The following RAB8B variants were observed in gnomAD, a reference collection of about 807,000 sequenced individuals.
RAB8B encodes the protein ras-related protein Rab-8B.
In RAB8B, 11 loss-of-function variants were observed where a neutral mutation model predicts 32.0. That is an observed-to-expected ratio of 0.34 (90% confidence interval 0.22 to 0.57). The LOEUF is 0.57. Ranked by LOEUF, RAB8B falls within the 20% of genes least tolerant of loss-of-function variation. RAB8B has a pLI of 0.86. For synonymous variants in RAB8B, 103 were observed against 89.6 expected, an observed-to-expected ratio of 1.15 and a Z score of -0.85; for missense variants, 190 against 258.5, an observed-to-expected ratio of 0.73 and a Z score of 1.82.
chr15:63,249,756 A>C (rs762546552), intron 3 of RAB8B, 51 bp downstream of exon 3: 1 of 1,545,678 alleles, frequency 6.5e-7, no homozygotes, highest in South Asian at 1.1e-5. Flanking sequence ...TAAAGCATGA[A>C]TGTTTGTTTG....
At position 63,253,105 on chromosome 15, in the gene RAB8B, G is replaced by A. The variant is rs182641321; in HGVS notation, c.247-2402G>A. Among the ~76,000 whole-genome samples, 884 of 152,286 alleles carry A rather than the reference G, an allele frequency of 5.8e-3. 10 individuals are homozygous for A. Among genetic ancestry groups the A allele is most frequent in the Middle Eastern group, 0.017 (5 of 294 alleles). On this transcript the variant is annotated intron_variant, in intron 3 of 7. Coordinates refer to ENST00000321437, the MANE Select transcript of RAB8B (RefSeq NM_016530.3). ...AACAATTGTAAATTGCCTTTACAGC[G>A]TGTAGCCAAAGTGAAGCATTTGTAT...
At chr15:63,203,963 G>A (rs138123007) in intron 1 of RAB8B, among the ~76,000 whole-genome samples, 45 of 152,190 alleles carry the variant, frequency 3.0e-4, no homozygotes, top group African/African-American at 9.6e-4. Flanking sequence ...TTTAACCTGC[G>A]TGGTCCCTTA....
At position 63,267,729 on chromosome 15, in the gene RAB8B, T is replaced by TA. The variant is rs1364633308; in HGVS notation, c.*4110_*4111insA. On this transcript the variant is annotated 3_prime_UTR_variant, in exon 8 of 8. Transcript: ENST00000321437. ...ATTTTATTCCAGGTGAACTTTTTTT[T>TA]TATAATAATGTTCGTCTAAAATAAA... 23 of 152,192 alleles carry TA rather than the reference T, an allele frequency of 1.5e-4. No homozygotes were observed. Among genetic ancestry groups the TA allele is most frequent in the African/African-American group, 5.6e-4 (23 of 41,422 alleles). 9.4% of individuals were successfully genotyped at this position (152,192 alleles called of 1,614,324 possible). A position where few individuals can be genotyped will look rare whatever the true frequency, so the allele number is the denominator to read the frequency against.
chr15:63,197,604 G>A (rs189409073), intron 1 of RAB8B, among the ~76,000 whole-genome samples: 3 of 151,998 alleles, frequency 2.0e-5, no homozygotes, highest in Admixed American at 2.0e-4. Flanking sequence ...AAACTCCTGA[G>A]CTCAAGTAAT....
In RAB8B at chr15:63,198,468, T is replaced by C. The variant is rs965970768; in HGVS notation, c.124+8720T>C. Among the ~76,000 whole-genome samples the C allele has an allele frequency of 1.3e-4, 19 of 151,286 alleles. No homozygotes were observed. The South Asian group carries it at 1.7e-3, about 13-fold the overall frequency. ...ACCACTGAGAAAGCCTGGATAATGG[T>C]GGTACTTGTGGTCTCATGACAGCAT... On this transcript the variant is annotated intron_variant, in intron 1 of 7. Coordinates refer to ENST00000321437, the MANE Select transcript of RAB8B (RefSeq NM_016530.3).
At chr15:63,212,935 A>G (rs2037760176) in intron 1 of RAB8B, among the ~76,000 whole-genome samples, 1 of 152,232 alleles carries the variant, frequency 6.6e-6, no homozygotes, top group African/African-American at 2.4e-5. Context: ...AATAGAATTA[A>G]AAGCACATGC....
chr15:63,208,373 TCTTTA>T (rs1169448646), intron 1 of RAB8B, among the ~76,000 whole-genome samples: 2 of 152,174 alleles, frequency 1.3e-5, no homozygotes, highest in South Asian at 2.1e-4. Context: ...TTAAAATGCC[TCTTTA>T]CTTATAAAAT....
chr15:63,190,271 A>G (rs1451197003), intron 1 of RAB8B, among the ~76,000 whole-genome samples: 3 of 152,084 alleles, frequency 2.0e-5, no homozygotes, highest in African/African-American at 7.2e-5. Flanking sequence ...ATTCAGGGGA[A>G]TGAGCGGTCA....
chr15:63,216,720 C>T (rs1467248317), intron 1 of RAB8B, among the ~76,000 whole-genome samples: 1 of 151,848 alleles, frequency 6.6e-6, no homozygotes, highest in Non-Finnish European at 1.5e-5. Flanking sequence ...ATTAGTCGGG[C>T]ATGGTGGTGT....
intron 1 of RAB8B, among the ~76,000 whole-genome samples, chr15:63,231,147 TATTATCTGATACATTA>T (rs2037933406): frequency 6.6e-6 from 1 of 152,252 alleles, no homozygotes; most frequent in Admixed American, 6.5e-5. Flanking sequence ...TAACCCTGGT[TATTATCTGATACATTA>T]CATGGATAGC....
intron 1 of RAB8B, among the ~76,000 whole-genome samples, chr15:63,219,333 G>A (rs900115734): frequency 9.9e-5 from 15 of 151,192 alleles, no homozygotes; most frequent in African/African-American, 3.2e-4. Flanking sequence ...GAAAGAGATC[G>A]AGAGAGAGAA....
intron 1 of RAB8B, among the ~76,000 whole-genome samples, chr15:63,209,418 C>T (rs2141114930): frequency 6.6e-6 from 1 of 151,878 alleles, no homozygotes; most frequent in African/African-American, 2.4e-5. Flanking sequence ...TGGTGAAACC[C>T]TGTCTCTACT....
intron 1 of RAB8B, among the ~76,000 whole-genome samples, chr15:63,230,476 A>G (rs1186360661): frequency 6.6e-6 from 1 of 151,840 alleles, no homozygotes; most frequent in East Asian, 1.9e-4. Flanking sequence ...TAATTTTTGT[A>G]TTTTTAGTAG....
chr15:63,245,255 C>T (rs1452052190), intron 2 of RAB8B, among the ~76,000 whole-genome samples: 1 of 152,226 alleles, frequency 6.6e-6, no homozygotes, highest in Non-Finnish European at 1.5e-5. Context: ...CTCAGGGTCT[C>T]ACCTTTTCCT....
chr15:63,214,197 A>G (rs2037771757), intron 1 of RAB8B, among the ~76,000 whole-genome samples: 1 of 152,042 alleles, frequency 6.6e-6, no homozygotes, highest in Non-Finnish European at 1.5e-5. Context: ...TGGGAGGTAA[A>G]GGATCTAATG....
Position 63,262,216 on chromosome 15 carries a change from G to A in RAB8B, c.481-476G>A, listed in dbSNP as rs1000102746. ...TGCCCTGCTCTAGGGAAGTGGGGTA[G>A]CTTAGACAGAGCTTCTGTCCTGTTC... is the stretch of plus-strand genomic sequence containing the variant. On this transcript the variant is annotated intron_variant, in intron 6 of 7. Transcript: ENST00000321437. Among the ~76,000 whole-genome samples the A allele has an allele frequency of 3.9e-5, 6 of 152,126 alleles. No individual in the cohort carries two copies. The East Asian group carries it at 1.2e-3, about 29-fold the overall frequency.
chr15:63,217,118 T>G lies in RAB8B; in HGVS notation c.124+27370T>G, dbSNP rs1337390695. Among the ~76,000 whole-genome samples, 6 of 152,186 alleles carry G rather than the reference T, an allele frequency of 3.9e-5. No individual in the cohort carries two copies. The East Asian group carries it at 1.2e-3, about 29-fold the overall frequency. On this transcript the variant is annotated intron_variant, in intron 1 of 7. Coordinates refer to ENST00000321437, the MANE Select transcript of RAB8B (RefSeq NM_016530.3). ...TTCATCTTTAGAAAGAATAATCAGA[T>G]ATCTCATTAGATAAATCATATATGA...
chr15:63,207,680 C>T (rs772226461), intron 1 of RAB8B, among the ~76,000 whole-genome samples: 2 of 152,060 alleles, frequency 1.3e-5, no homozygotes, highest in Non-Finnish European at 2.9e-5. Context: ...TTGCCTCAGC[C>T]TCTCGAGTAG....
At chr15:63,233,095 T>C (rs2037949576) in intron 1 of RAB8B, among the ~76,000 whole-genome samples, 1 of 145,034 alleles carries the variant, frequency 6.9e-6, no homozygotes, top group South Asian at 2.2e-4. Context: ...TCTCATGGCA[T>C]GCCAGGGCTG....
Sources: gnomAD v4.1 joint callset for allele counts (sites outside exome capture counted in the v4.1 genomes callset) on GRCh38, gnomAD v4.1.1 for gene constraint, MANE v1.5 for transcripts, NCBI Gene and HGNC (gene_info 2026-07-23, HGNC 2026-07-21) for gene names.